Variants in APH1B observed in about 807,000 individuals in gnomAD.
APH1B encodes the protein aph-1B gamma-secretase subunit, also known as gamma-secretase subunit APH-1B.
APH1B carries 27 observed loss-of-function variants against 28.2 expected under a neutral mutation model. The observed-to-expected ratio is 0.96, with a 90% CI of 0.70 to 1.32. The LOEUF is 1.32. Ranked by LOEUF, APH1B falls within the 40% of genes most tolerant of loss-of-function variation. The pLI, the probability that APH1B is intolerant of heterozygous loss-of-function variation, is 0.00. For synonymous variants in APH1B, 141 were observed against 124.6 expected, an observed-to-expected ratio of 1.13 and a Z score of -0.88; for missense variants, 305 against 313.6, an observed-to-expected ratio of 0.97 and a Z score of 0.21.
chr15:63,286,557 G>C lies in APH1B; in HGVS notation c.285-1G>C, dbSNP rs200634491. On this transcript the variant is annotated splice_acceptor_variant, in intron 2 of 5. Coordinates refer to ENST00000261879, the MANE Select transcript of APH1B (RefSeq NM_031301.4). LOFTEE classifies it high-confidence loss of function. Reference sequence around the variant, plus strand: ...TAATTACATGTGTGGTTTTATTTTAGAAAAGCCAGTGAAGGTTTGAAGAGT... The same window carrying C: ...TAATTACATGTGTGGTTTTATTTTACAAAAGCCAGTGAAGGTTTGAAGAGT... 8.8e-5 allele frequency: 135 copies of C among 1,535,070 alleles called. No individual in the cohort carries two copies. Among genetic ancestry groups the C allele is most frequent in the Non-Finnish European group, 1.1e-4 (128 of 1,139,860 alleles).
At chr15:63,277,828 G>A in intron 1 of APH1B, 92 bp downstream of exon 1, 1 of 1,253,746 alleles carries the variant, frequency 8.0e-7, no homozygotes, top group Non-Finnish European at 1.1e-6. Flanking sequence ...CGCGCGGCTC[G>A]ACCTTGTTGC....
intron 4 of APH1B, 91 bp downstream of exon 4, chr15:63,287,637 G>A: frequency 6.8e-7 from 1 of 1,472,510 alleles, no homozygotes; most frequent in Non-Finnish European, 9.2e-7. Flanking sequence ...CAGTGGATTG[G>A]AATTTATGTT....
chr15:63,284,218 C>CT (rs34480156), intron 2 of APH1B, among the ~76,000 whole-genome samples: 41,565 of 138,058 alleles, frequency 0.3, 6,715 homozygotes, highest in East Asian at 0.48. Flanking sequence ...ATGTGCTTTG[C>CT]TTTTTTTTTT....
Position 63,305,859 on chromosome 15 carries a change from C to A in APH1B, c.*78C>A. On this transcript the variant is annotated 3_prime_UTR_variant, in exon 6 of 6. Transcript: ENST00000261879. ...CAACTGTGCCTTTTTCTGAAAATCCCTTTTTCTGGTGGAATTGAGAAAGAA... is the reference window on the plus strand; with the variant it reads ...CAACTGTGCCTTTTTCTGAAAATCCATTTTTCTGGTGGAATTGAGAAAGAA... 1 of 1,511,032 alleles carries A rather than the reference C, an allele frequency of 6.6e-7. No individual in the cohort carries two copies. Among genetic ancestry groups the A allele is most frequent in the South Asian group, 1.3e-5 (1 of 78,130 alleles). The allele number at this position is 1,511,032 out of a possible 1,614,324, so 93.6% of individuals were successfully genotyped here.
intron 4 of APH1B, among the ~76,000 whole-genome samples, chr15:63,293,002 C>T (rs2038521549): frequency 6.6e-6 from 1 of 152,196 alleles, no homozygotes; most frequent in Non-Finnish European, 1.5e-5. Flanking sequence ...TTTCCTCACA[C>T]GGATGAATGG....
chr15:63,284,652 A>G (rs2038427420), intron 2 of APH1B, among the ~76,000 whole-genome samples: 1 of 152,222 alleles, frequency 6.6e-6, no homozygotes, highest in African/African-American at 2.4e-5. Flanking sequence ...CTCCATTATA[A>G]TAATGACTAC....
chr15:63,293,838 C>A, intron 4 of APH1B, among the ~76,000 whole-genome samples: 1 of 152,130 alleles, frequency 6.6e-6, no homozygotes, highest in East Asian at 1.9e-4. Flanking sequence ...GATCATGGCT[C>A]ACTGCATCCT....
chr15:63,277,827 C>T (rs994267319), intron 1 of APH1B, 91 bp downstream of exon 1: 1 of 1,295,634 alleles, frequency 7.7e-7, no homozygotes, highest in Non-Finnish European at 1.1e-6. Flanking sequence ...CCGCGCGGCT[C>T]GACCTTGTTG....
At chr15:63,282,896 G>T (rs938335789) in intron 2 of APH1B, among the ~76,000 whole-genome samples, 1 of 152,096 alleles carries the variant, frequency 6.6e-6, no homozygotes, top group African/African-American at 2.4e-5. Flanking sequence ...ATTCGAAAAA[G>T]GATAGAACAA....
At chr15:63,284,956 A>G (rs1008905415) in intron 2 of APH1B, among the ~76,000 whole-genome samples, 2 of 152,230 alleles carry the variant, frequency 1.3e-5, no homozygotes, top group African/African-American at 4.8e-5. Context: ...TTTACTATAT[A>G]TGTGTCCCAT....
chr15:63,287,695 T>G, intron 4 of APH1B, 149 bp downstream of exon 4: 2 of 1,101,866 alleles, frequency 1.8e-6, no homozygotes, highest in Non-Finnish European at 2.5e-6. Flanking sequence ...AGTAAAAGAC[T>G]TAGGAAAATA....
chr15:63,281,625 G>C (rs911925983), intron 2 of APH1B, among the ~76,000 whole-genome samples: 1 of 151,568 alleles, frequency 6.6e-6, no homozygotes, highest in African/African-American at 2.4e-5. Flanking sequence ...AATTATCAGC[G>C]TGACAAAATG....
rs1024354227 is a variant in APH1B, at chr15:63,304,109, C to T, written c.607-1505C>T. Among the ~76,000 whole-genome samples the T allele has an allele frequency of 2.0e-5, 3 of 152,162 alleles. No individual in the cohort carries two copies. The highest frequency in any genetic ancestry group is 7.2e-5 in the African/African-American group (3 of 41,428). On this transcript the variant is annotated intron_variant, in intron 5 of 5. Coordinates refer to ENST00000261879, the MANE Select transcript of APH1B (RefSeq NM_031301.4). This position sits in a 1 kb window ranked among gnomAD's most constrained non-coding sequence, Gnocchi z 5.1. ...TGGCTATGTCATGGTATCATAAATA[C>T]ATAAATTGATAAATTATAGTAAAAG...
At chr15:63,281,552 CAAAAA>C (rs78791574) in intron 2 of APH1B, among the ~76,000 whole-genome samples, 2 of 119,608 alleles carry the variant, frequency 1.7e-5, no homozygotes, top group South Asian at 2.8e-4. Flanking sequence ...AAAAAAAAAA[CAAAAA>C]AAAACACAAT....
At chr15:63,303,271 C>T (rs764251993) in intron 5 of APH1B, among the ~76,000 whole-genome samples, 2 of 152,200 alleles carry the variant, frequency 1.3e-5, no homozygotes, top group Non-Finnish European at 2.9e-5. Flanking sequence ...GTCACTGCCC[C>T]CACTGAGGGT....
At chr15:63,303,874 A>ACAACACACAC (rs374335586) in intron 5 of APH1B, among the ~76,000 whole-genome samples, 11 of 145,698 alleles carry the variant, frequency 7.5e-5, no homozygotes, top group African/African-American at 2.3e-4. Flanking sequence ...ACACACACAC[A>ACAACACACAC]ACACACACAC....
At position 63,291,237 on chromosome 15, in the gene APH1B, T is replaced by A. The variant is rs571790160; in HGVS notation, c.478+3691T>A. The stretch of plus-strand genomic sequence containing the variant: ...AAAACAGAATTCAGAGAGAAGATAA[T>A]TTTTCTAGTATTATATAGAATCTGG... On this transcript the variant is annotated intron_variant, in intron 4 of 5. Coordinates refer to ENST00000261879, the MANE Select transcript of APH1B (RefSeq NM_031301.4). Among the ~76,000 whole-genome samples, 53 of 152,292 alleles carry A rather than the reference T, an allele frequency of 3.5e-4. 1 individual carries two copies. Among genetic ancestry groups the A allele is most frequent in the Admixed American group, 2.5e-3 (38 of 15,302 alleles).
At chr15:63,295,374 C>A (rs1394708954) in intron 4 of APH1B, among the ~76,000 whole-genome samples, 1 of 152,234 alleles carries the variant, frequency 6.6e-6, no homozygotes, top group African/African-American at 2.4e-5. Context: ...CCAATGGCAG[C>A]TCTAGCCAGT....
rs2038665762 is a variant in APH1B at position 63,304,467 on chromosome 15, G to A, written c.607-1147G>A. On this transcript the variant is annotated intron_variant, in intron 5 of 5. Coordinates refer to ENST00000261879, the MANE Select transcript of APH1B (RefSeq NM_031301.4). The surrounding 1 kb of genome is among the most constrained non-coding windows in gnomAD (Gnocchi z 5.1). ...TTTTTGATTTTTAGGAGTTCTTTAT[G>A]TTTTCTGTAAAAGAAAAAATCTTTT... is the stretch of plus-strand genomic sequence containing the variant. Among the ~76,000 whole-genome samples, 1 of 152,098 alleles carries A rather than the reference G, an allele frequency of 6.6e-6. No individual in the cohort carries two copies. Among genetic ancestry groups the A allele is most frequent in the Non-Finnish European group, 1.5e-5 (1 of 67,988 alleles).
Sources: gnomAD v4.1 joint callset for allele counts (sites outside exome capture counted in the v4.1 genomes callset) on GRCh38, gnomAD v4.1.1 for gene constraint, Gnocchi (gnomAD v3.1) non-coding constraint, MANE v1.5 for transcripts, NCBI Gene and HGNC (gene_info 2026-07-23, HGNC 2026-07-21) for gene names.